The following AAK1 variants were observed in gnomAD, a reference collection of about 807,000 sequenced individuals.
AAK1 encodes the protein AP2 associated kinase 1.
Under a neutral mutation model 116.0 loss-of-function variants are expected in AAK1, and 37 were observed. The ratio of observed to expected loss-of-function variants is 0.32; its 90% CI spans 0.25 to 0.42. The LOEUF is 0.42. AAK1 is among the 10% of genes least tolerant of loss of function. AAK1 has a pLI of 1.00. For missense variants in AAK1, 919 were observed against 1,170.6 expected, an observed-to-expected ratio of 0.79 and a Z score of 3.14; for synonymous variants, 458 against 439.9, an observed-to-expected ratio of 1.04 and a Z score of -0.51.
intron 3 of AAK1, among the ~76,000 whole-genome samples, chr2:69,552,393 G>A (rs1477045897): frequency 2.6e-5 from 4 of 152,036 alleles, no homozygotes; most frequent in South Asian, 2.1e-4. Flanking sequence ...AAAATGAACC[G>A]CAACCTAAGA....
rs1249135049 is a variant in AAK1, at chr2:69,477,001, A to T, written c.2681-11T>A. The T allele has an allele frequency of 6.3e-7, 1 of 1,582,376 alleles. No homozygotes were observed. The stretch of plus-strand genomic sequence containing the variant: ...TACTATCTTCTGCAGCTTAATACAG[A>T]ATGCAAGTACACAAGCAGAAACAAC... On this transcript the variant is annotated splice_polypyrimidine_tract_variant and intron_variant, in intron 20 of 21. Coordinates refer to ENST00000409085, the MANE Select transcript of AAK1 (RefSeq NM_014911.5).
At chr2:69,633,147 A>C (rs1183515710) in intron 2 of AAK1, among the ~76,000 whole-genome samples, 1 of 147,872 alleles carries the variant, frequency 6.8e-6, no homozygotes, top group Non-Finnish European at 1.5e-5. Context: ...TGAACCCGGG[A>C]GGTGGAGCTT....
chr2:69,633,505 G>A (rs974807392), intron 2 of AAK1, among the ~76,000 whole-genome samples: 10 of 151,638 alleles, frequency 6.6e-5, no homozygotes, highest in African/African-American at 2.4e-4. Context: ...GGAGACTGAG[G>A]CAGGAGAATC....
chr2:69,620,777 T>G (rs1303809592), intron 2 of AAK1, among the ~76,000 whole-genome samples: 1 of 152,210 alleles, frequency 6.6e-6, no homozygotes, highest in African/African-American at 2.4e-5. Context: ...CCCTTAAATG[T>G]TGCTAAGCCT....
chr2:69,570,933 G>A (rs1672069056), intron 2 of AAK1, among the ~76,000 whole-genome samples: 1 of 150,290 alleles, frequency 6.7e-6, no homozygotes, highest in Non-Finnish European at 1.5e-5. Flanking sequence ...CTCTTTAACT[G>A]GTAAACTCAC....
chr2:69,614,041 T>C (rs1240220728), intron 2 of AAK1, among the ~76,000 whole-genome samples: 1 of 151,988 alleles, frequency 6.6e-6, no homozygotes, highest in Non-Finnish European at 1.5e-5. Flanking sequence ...GGAAGTCAAA[T>C]AACTGATTGT....
At chr2:69,633,971 A>C (rs1410656818) in intron 2 of AAK1, among the ~76,000 whole-genome samples, 1 of 152,126 alleles carries the variant, frequency 6.6e-6, no homozygotes, top group African/African-American at 2.4e-5. Context: ...GGAGTTCAAG[A>C]CCAGCCTGGC....
rs1671407593 is a variant in AAK1, at chr2:69,556,854, C to G, written c.282+6G>C. On this transcript the variant is annotated splice_donor_region_variant and intron_variant, in intron 3 of 21. Transcript: ENST00000409085. ...AAACAGTCCCAAGTCCAAGGGGCAG[C>G]CTTACCATTATCTGGATTTCTCTCT... 6.2e-7 allele frequency: 1 copy of G among 1,604,914 alleles called. No homozygotes were observed. Among genetic ancestry groups the G allele is most frequent in the Admixed American group, 1.7e-5 (1 of 59,988 alleles).
intron 2 of AAK1, among the ~76,000 whole-genome samples, chr2:69,596,221 C>CTTT (rs112330025): frequency 0.037 from 5,091 of 138,006 alleles, 364 homozygotes; most frequent in African/African-American, 0.13. Flanking sequence ...GTAATTTTGA[C>CTTT]TTTTTTTTTT....
chr2:69,531,353 C>T (rs931482696), intron 6 of AAK1, among the ~76,000 whole-genome samples: 2 of 152,170 alleles, frequency 1.3e-5, no homozygotes, highest in African/African-American at 4.8e-5. Flanking sequence ...CGATCAGGTT[C>T]TTCTTGCCCC....
chr2:69,500,698 T>TATATATATATATATACACAC, intron 16 of AAK1, among the ~76,000 whole-genome samples: 15 of 65,094 alleles, frequency 2.3e-4, no homozygotes, highest in Admixed American at 2.1e-4. Context: ...TATATATATA[T>TATATATATATATATACACAC]ACACACACAC....
intron 2 of AAK1, among the ~76,000 whole-genome samples, chr2:69,622,349 GGAGCCTCCCCGAC>G (rs1674682297): frequency 7.2e-6 from 1 of 139,704 alleles, no homozygotes; most frequent in African/African-American, 2.6e-5. Context: ...CTGCGCAGCC[GGAGCCTCCCCGAC>G]GAGCGCCACC....
chr2:69,569,547 GT>G (rs532484233), intron 2 of AAK1, among the ~76,000 whole-genome samples: 1 of 152,192 alleles, frequency 6.6e-6, no homozygotes, highest in South Asian at 2.1e-4. Context: ...TATTGGATGA[GT>G]TTTGGTAAGT....
At chr2:69,596,279 G>C (rs913411416) in intron 2 of AAK1, among the ~76,000 whole-genome samples, 2 of 148,504 alleles carry the variant, frequency 1.3e-5, no homozygotes. Context: ...CAAGTGCAGT[G>C]GCGCCATTTT....
chr2:69,471,802 A>G lies in AAK1; in HGVS notation c.*4067T>C. ...TCCCTTCATTCCCACAGCACTGCTGAAGGCAGAACTGTTCCTAACCTGGGG... is the reference window on the plus strand; with the variant it reads ...TCCCTTCATTCCCACAGCACTGCTGGAGGCAGAACTGTTCCTAACCTGGGG... On this transcript the variant is annotated 3_prime_UTR_variant, in exon 22 of 22. Transcript: ENST00000409085. 1 of 985,500 alleles carries G rather than the reference A, an allele frequency of 1.0e-6. No individual in the cohort carries two copies. Among genetic ancestry groups the G allele is most frequent in the Non-Finnish European group, 1.2e-6 (1 of 829,942 alleles). The allele number at this position is 985,500 out of a possible 1,614,324, so 61.0% of individuals were successfully genotyped here.
intron 14 of AAK1, among the ~76,000 whole-genome samples, chr2:69,508,884 A>G (rs1441728632): frequency 1.3e-5 from 2 of 152,208 alleles, no homozygotes; most frequent in Non-Finnish European, 2.9e-5. Context: ...CCAGTGAAAG[A>G]CTTTTCAGCG....
At chr2:69,520,669 T>G (rs1053021002) in intron 11 of AAK1, among the ~76,000 whole-genome samples, 165 bp downstream of exon 11, 1 of 152,220 alleles carries the variant, frequency 6.6e-6, no homozygotes, top group East Asian at 1.9e-4. Context: ...GCCCGGCCAC[T>G]GCCATACAAT....
intron 16 of AAK1, chr2:69,500,311 A>T (rs1391473804): frequency 6.6e-6 from 1 of 152,178 alleles, no homozygotes; most frequent in Non-Finnish European, 1.5e-5. Context: ...ACTGCAAACA[A>T]GAGAGAGGGG....
intron 2 of AAK1, among the ~76,000 whole-genome samples, chr2:69,620,468 C>T (rs1285748883): frequency 6.6e-6 from 1 of 152,148 alleles, no homozygotes; most frequent in East Asian, 1.9e-4. Flanking sequence ...GAACATTTCT[C>T]AAAGAAATAG....
Sources: gnomAD v4.1 joint callset for allele counts (sites outside exome capture counted in the v4.1 genomes callset) on GRCh38, gnomAD v4.1.1 for gene constraint, MANE v1.5 for transcripts, NCBI Gene and HGNC (gene_info 2026-07-23, HGNC 2026-07-21) for gene names.